The following DRC11 variants were observed in gnomAD, a reference collection of about 807,000 sequenced individuals.
DRC11 encodes dynein regulatory complex subunit 11, also known as IQ and AAA domain-containing protein 1.
At chr2:236,460,358 C>T in the DRC11 span, among the ~76,000 whole-genome samples, 2 of 152,282 alleles carry the variant, frequency 1.3e-5, no homozygotes, top group Admixed American at 1.3e-4. This position sits in a 1 kb window ranked among gnomAD's most constrained non-coding sequence, Gnocchi z 4.0. Context: ...GGAGAGCGTG[C>T]TCCCAGGATG....
the DRC11 span, among the ~76,000 whole-genome samples, chr2:236,348,765 G>A: frequency 1.3e-5 from 2 of 152,216 alleles, no homozygotes; most frequent in East Asian, 1.9e-4. This position sits in a 1 kb window ranked among gnomAD's most constrained non-coding sequence, Gnocchi z 7.4. Context: ...AGGAAGCCCC[G>A]CTCGGAAGCA....
At chr2:236,476,661 G>A in the DRC11 span, among the ~76,000 whole-genome samples, 1 of 152,118 alleles carries the variant, frequency 6.6e-6, no homozygotes, top group Non-Finnish European at 1.5e-5. The surrounding 1 kb of genome is among the most constrained non-coding windows in gnomAD (Gnocchi z 4.7). Flanking sequence ...ATTGATTTGT[G>A]TATGTTGAAC....
the DRC11 span, among the ~76,000 whole-genome samples, chr2:236,474,583 T>C: frequency 6.6e-6 from 1 of 152,204 alleles, no homozygotes; most frequent in Non-Finnish European, 1.5e-5. Flanking sequence ...AAACTTAGAC[T>C]GTACTAGATT....
chr2:236,337,790 A>C, the DRC11 span, among the ~76,000 whole-genome samples: 3 of 151,458 alleles, frequency 2.0e-5, no homozygotes. The surrounding 1 kb of genome is among the most constrained non-coding windows in gnomAD (Gnocchi z 4.9). Flanking sequence ...TCATTACACA[A>C]GTGGACTTTG....
chr2:236,399,171 G>T, the DRC11 span, among the ~76,000 whole-genome samples: 3 of 151,848 alleles, frequency 2.0e-5, no homozygotes, highest in Non-Finnish European at 4.4e-5. The surrounding 1 kb of genome is among the most constrained non-coding windows in gnomAD (Gnocchi z 7.0). Flanking sequence ...TTTTATTTTT[G>T]AAGAGATGGG....
At chr2:236,403,307 T>G in the DRC11 span, among the ~76,000 whole-genome samples, 4 of 149,508 alleles carry the variant, frequency 2.7e-5, no homozygotes, top group African/African-American at 9.9e-5. Context: ...GAGGCTGGAG[T>G]GGCGGGAGAG....
chr2:236,408,944 G>T, the DRC11 span: 1 of 698,116 alleles, frequency 1.4e-6, no homozygotes, highest in South Asian at 1.4e-5. The surrounding 1 kb of genome is among the most constrained non-coding windows in gnomAD (Gnocchi z 5.5). Context: ...ATCCCAGGAA[G>T]GCTGCGAAGT....
At chr2:236,412,060 G>A in the DRC11 span, among the ~76,000 whole-genome samples, 2 of 150,318 alleles carry the variant, frequency 1.3e-5, no homozygotes, top group African/African-American at 4.9e-5. Flanking sequence ...AAAAAAAAAA[G>A]AAAAAAAAAT....
chr2:236,498,773 T>G, the DRC11 span, among the ~76,000 whole-genome samples: 1 of 152,286 alleles, frequency 6.6e-6, no homozygotes, highest in Non-Finnish European at 1.5e-5. Context: ...GTCCCTTTAT[T>G]AGGCCCTCAT....
the DRC11 span, among the ~76,000 whole-genome samples, chr2:236,501,138 C>T: frequency 8.5e-5 from 13 of 152,230 alleles, no homozygotes; most frequent in African/African-American, 3.1e-4. Context: ...GCAGGCATCT[C>T]ACATGGCGGG....
At chr2:236,486,334 C>T in the DRC11 span, among the ~76,000 whole-genome samples, 6 of 152,188 alleles carry the variant, frequency 3.9e-5, no homozygotes, top group Non-Finnish European at 7.3e-5. The surrounding 1 kb of genome is among the most constrained non-coding windows in gnomAD (Gnocchi z 5.7). Flanking sequence ...TTAAGGTGTA[C>T]CCAGATTCCT....
At chr2:236,357,584 TA>T in the DRC11 span, among the ~76,000 whole-genome samples, 1 of 127,066 alleles carries the variant, frequency 7.9e-6, no homozygotes, top group Non-Finnish European at 1.5e-5. Context: ...TTATATATTA[TA>T]AATATGCATT....
chr2:236,344,697 G>C, the DRC11 span: 1 of 1,318,352 alleles, frequency 7.6e-7, no homozygotes, highest in African/African-American at 1.5e-5. Context: ...TCTCAGGTGT[G>C]CAGAGCCCTG....
chr2:236,425,324 G>T, the DRC11 span, among the ~76,000 whole-genome samples: 1 of 151,920 alleles, frequency 6.6e-6, no homozygotes, highest in Admixed American at 6.6e-5. Context: ...AACATTTGTT[G>T]TCTTTTGTCT....
chr2:236,357,721 A>G, the DRC11 span, among the ~76,000 whole-genome samples: 1 of 126,502 alleles, frequency 7.9e-6, no homozygotes, highest in African/African-American at 3.1e-5. Context: ...TGTATTTATA[A>G]TATATAAATA....
chr2:236,502,611 GA>G, the DRC11 span, among the ~76,000 whole-genome samples: 2 of 95,492 alleles, frequency 2.1e-5, no homozygotes, highest in East Asian at 2.7e-4. Flanking sequence ...TTAATGCAGA[GA>G]AAAAAAATGA....
chr2:236,477,235 G>C, the DRC11 span, among the ~76,000 whole-genome samples: 1 of 152,014 alleles, frequency 6.6e-6, no homozygotes, highest in South Asian at 2.1e-4. Flanking sequence ...CTAATAACTG[G>C]TTGATCAGAT....
the DRC11 span, among the ~76,000 whole-genome samples, chr2:236,383,803 A>C: frequency 6.6e-6 from 1 of 151,784 alleles, no homozygotes; most frequent in Non-Finnish European, 1.5e-5. Flanking sequence ...TCCCGATGCT[A>C]TCCCTCCCCA....
At chr2:236,441,024 T>C in the DRC11 span, 16 of 1,422,932 alleles carry the variant, frequency 1.1e-5, no homozygotes, top group Non-Finnish European at 1.6e-5. Context: ...ATTTTATTTC[T>C]CAAGCATATT....
Sources: allele counts gnomAD v4.1 joint callset (sites outside exome capture counted in the v4.1 genomes callset), GRCh38; gene constraint gnomAD v4.1.1; non-coding constraint Gnocchi (gnomAD v3.1); transcripts MANE v1.5; gene names NCBI Gene and HGNC (gene_info 2026-07-23, HGNC 2026-07-21).